The following MAML1 variants were observed in gnomAD, a reference collection of about 807,000 sequenced individuals.
MAML1 encodes the protein mastermind-like protein 1.
A neutral mutation model predicts 77.1 loss-of-function variants in MAML1; 14 were observed. The observed-to-expected ratio is 0.18, with a 90% CI of 0.12 to 0.28. The LOEUF is 0.28. Ranked by LOEUF, MAML1 falls within the 10% of genes least tolerant of loss-of-function variation. The probability of loss-of-function intolerance (pLI) is 1.00; values close to 1 mark genes in which losing one functional copy is unlikely to be tolerated. For missense variants in MAML1, 1,217 were observed against 1,327.8 expected, an observed-to-expected ratio of 0.92 and a Z score of 1.30; for synonymous variants, 516 against 551.9, an observed-to-expected ratio of 0.93 and a Z score of 0.91.
At chr5:179,760,472 T>C (rs1314654204) in intron 1 of MAML1, among the ~76,000 whole-genome samples, 2 of 152,086 alleles carry the variant, frequency 1.3e-5, no homozygotes, top group Non-Finnish European at 2.9e-5. Flanking sequence ...TGAGAAGCTA[T>C]AAGCTGTAAG....
chr5:179,733,270 G>T lies in MAML1; in HGVS notation c.158G>T (p.Arg53Leu). ...AVSPERLELE[R>L]QHTFALHQRC... ...TCGCCCGAGCGCCTGGAGCTGGAGC[G>T]CCAACACACCTTCGCCCTGCACCAG... The change falls in exon 1 of 5, where the codon CGC (arginine) becomes CTC (leucine). Residue 53 changes from arginine (R) to leucine (L), a missense_variant. Transcript: ENST00000292599. 1 of 1,462,254 alleles carries T rather than the reference G, an allele frequency of 6.8e-7. No individual in the cohort carries two copies. The highest frequency in any genetic ancestry group is 9.0e-7 in the Non-Finnish European group (1 of 1,109,084). The allele number at this position is 1,462,254 out of a possible 1,614,324, so 90.6% of individuals were successfully genotyped here. A position where few individuals can be genotyped will look rare whatever the true frequency, so the allele number is the denominator to read the frequency against.
chr5:179,760,471 A>G (rs1322049365), intron 1 of MAML1, among the ~76,000 whole-genome samples: 2 of 152,206 alleles, frequency 1.3e-5, no homozygotes, highest in Non-Finnish European at 2.9e-5. Flanking sequence ...TTGAGAAGCT[A>G]TAAGCTGTAA....
chr5:179,733,313 G>C lies in MAML1; in HGVS notation c.201G>C (p.Lys67Asn). 7.2e-7 allele frequency: 1 copy of C among 1,393,924 alleles called. No individual in the cohort carries two copies. The highest frequency in any genetic ancestry group is 1.5e-5 in the African/African-American group (1 of 66,766). 86.3% of individuals were successfully genotyped at this position (1,393,924 alleles called of 1,614,324 possible). ...TGCACCAGCGCTGCATCCAGGCCAA[G>C]GCCAAGCGCGCCGGGAAGCACAGGC... is the stretch of plus-strand genomic sequence containing the variant. ...FALHQRCIQA[K>N]AKRAGKHRQP... The change falls in exon 1 of 5, where the codon AAG (lysine) becomes AAC (asparagine). Residue 67 changes from lysine to asparagine, a missense_variant. Around this residue, in one of 3 missense-constraint regions of MAML1, gnomAD observed 312 missense variants for 331.4 expected, o/e 0.94. Coordinates refer to ENST00000292599, the MANE Select transcript of MAML1 (RefSeq NM_014757.5).
intron 1 of MAML1, among the ~76,000 whole-genome samples, chr5:179,734,238 A>G (rs1779123130): frequency 6.6e-6 from 1 of 152,176 alleles, no homozygotes; most frequent in Non-Finnish European, 1.5e-5. Flanking sequence ...GTTAAAATCT[A>G]ATTTGTTATG....
chr5:179,753,651 ATTATT>A lies in MAML1; in HGVS notation c.316-11672_316-11668del, dbSNP rs1319500724. Among the ~76,000 whole-genome samples, 7 of 66,370 alleles carry A rather than the reference ATTATT, an allele frequency of 1.1e-4. No homozygotes were observed. In the South Asian group the frequency reaches 1.6e-3, roughly 15 times the overall value. The allele number at this position is 66,370 out of a possible 152,430, so 43.5% of individuals were successfully genotyped here. On this transcript the variant is annotated intron_variant, in intron 1 of 4. Transcript: ENST00000292599. ...CTGTTTGGGTTGTTTTATTATTATT[ATTATT>A]TTTTTTTTTTTTTTTTTTTTTGAGG...
chr5:179,742,700 G>A (rs565904225), intron 1 of MAML1, among the ~76,000 whole-genome samples: 1 of 151,786 alleles, frequency 6.6e-6, no homozygotes, highest in Non-Finnish European at 1.5e-5. Flanking sequence ...CCAGGTACTT[G>A]GGAGGCTGAG....
intron 1 of MAML1, among the ~76,000 whole-genome samples, chr5:179,755,900 G>C (rs920982212): frequency 6.6e-6 from 1 of 151,692 alleles, no homozygotes; most frequent in Non-Finnish European, 1.5e-5. Context: ...GAGTAGCTGA[G>C]ATTACAGGAG....
At chr5:179,744,186 A>C (rs1264224589) in intron 1 of MAML1, among the ~76,000 whole-genome samples, 2 of 152,078 alleles carry the variant, frequency 1.3e-5, no homozygotes, top group Non-Finnish European at 2.9e-5. Flanking sequence ...TAAAAAATTA[A>C]ATTTTTTTTC....
At chr5:179,743,394 T>G (rs537037339) in intron 1 of MAML1, among the ~76,000 whole-genome samples, 3 of 123,294 alleles carry the variant, frequency 2.4e-5, no homozygotes, top group African/African-American at 6.2e-5. Context: ...TTTAAGAGAG[T>G]CTCACTGTGT....
chr5:179,755,930 A>G (rs1045661365), intron 1 of MAML1, among the ~76,000 whole-genome samples: 18 of 151,398 alleles, frequency 1.2e-4, no homozygotes, highest in Admixed American at 6.6e-4. Flanking sequence ...ACGCCCAGCT[A>G]ATTTTTTGTA....
chr5:179,763,262 CTT>C (rs1779754667), intron 1 of MAML1, among the ~76,000 whole-genome samples: 1 of 152,222 alleles, frequency 6.6e-6, no homozygotes, highest in African/African-American at 2.4e-5. Context: ...ACAAGGAAAA[CTT>C]TTCAAATAAT....
chr5:179,732,896 A>C lies in MAML1; in HGVS notation c.-217A>C, dbSNP rs1779090360. 1 of 272,240 alleles carries C rather than the reference A, an allele frequency of 3.7e-6. No individual in the cohort carries two copies. Among genetic ancestry groups the C allele is most frequent in the African/African-American group, 2.2e-5 (1 of 44,500 alleles). 16.9% of individuals were successfully genotyped at this position (272,240 alleles called of 1,614,324 possible). A position where few individuals can be genotyped will look rare whatever the true frequency, so the allele number is the denominator to read the frequency against. ...AAACAATGGGGCCGGGGCGGTGGGG[A>C]GAGGCCGAGGCTTGAGGTAGGCAGC... On this transcript the variant is annotated 5_prime_UTR_variant, in exon 1 of 5. Coordinates refer to ENST00000292599, the MANE Select transcript of MAML1 (RefSeq NM_014757.5).
At chr5:179,735,010 A>G (rs1278052347) in intron 1 of MAML1, among the ~76,000 whole-genome samples, 1 of 152,098 alleles carries the variant, frequency 6.6e-6, no homozygotes, top group Non-Finnish European at 1.5e-5. Context: ...AAAAGAAATG[A>G]GTGTGGACAT....
intron 1 of MAML1, among the ~76,000 whole-genome samples, chr5:179,759,104 C>T (rs1170956753): frequency 1.3e-5 from 2 of 152,156 alleles, no homozygotes; most frequent in Non-Finnish European, 2.9e-5. Flanking sequence ...CTGCGCTTCA[C>T]GAAGGTGCTC....
At position 179,766,783 on chromosome 5, in the gene MAML1, C is replaced by T. The variant is rs760425680; in HGVS notation, c.1731+42C>T. 2.1e-6 allele frequency: 3 copies of T among 1,462,508 alleles called. No individual in the cohort carries two copies. The highest frequency in any genetic ancestry group is 2.8e-5 in the South Asian group (2 of 71,046). The allele number at this position is 1,462,508 out of a possible 1,614,324, so 90.6% of individuals were successfully genotyped here. A position where few individuals can be genotyped will look rare whatever the true frequency, so the allele number is the denominator to read the frequency against. ...GCTTTCTGTTCCTCTGCTGCAGACA[C>T]TTCAGTGAGGTTACTCACTACTTTG... On this transcript the variant is annotated intron_variant, in intron 2 of 4. Transcript: ENST00000292599. This position sits in a 1 kb window ranked among gnomAD's most constrained non-coding sequence, Gnocchi z 4.0.
chr5:179,775,299 A>G lies in MAML1; in HGVS notation c.*422A>G, dbSNP rs759950706. On this transcript the variant is annotated 3_prime_UTR_variant, in exon 5 of 5. Transcript: ENST00000292599. ...TTCTGTTGAAACTTTAGATAGCAGAATTATTTGCAATTTGTAGCATAGAAA... is the reference window on the plus strand; with the variant it reads ...TTCTGTTGAAACTTTAGATAGCAGAGTTATTTGCAATTTGTAGCATAGAAA... 3.0e-6 allele frequency: 3 copies of G among 991,710 alleles called. No homozygotes were observed. In the African/African-American group the frequency reaches 5.2e-5, roughly 17 times the overall value. The allele number at this position is 991,710 out of a possible 1,614,324, so 61.4% of individuals were successfully genotyped here.
chr5:179,753,726 G>A (rs368442855), intron 1 of MAML1, among the ~76,000 whole-genome samples: 73 of 145,352 alleles, frequency 5.0e-4, no homozygotes, highest in African/African-American at 1.3e-3. Flanking sequence ...AATGGTGTGC[G>A]ATACTGGCTC....
Position 179,732,847 on chromosome 5 carries a change from T to A in MAML1, c.-266T>A, listed in dbSNP as rs1581918131. On this transcript the variant is annotated 5_prime_UTR_variant, in exon 1 of 5. An upstream start codon of the reference 5' UTR is lost. Transcript: ENST00000292599. ...GAGAGGCCCGAAAACAATTTTAAGA[T>A]GGCGGCCGCGGCGGTAGCGCGGAAA... 8.8e-6 allele frequency: 2 copies of A among 228,008 alleles called. No individual in the cohort carries two copies. The highest frequency in any genetic ancestry group is 1.7e-5 in the Non-Finnish European group (2 of 118,170). The allele number at this position is 228,008 out of a possible 1,614,324, so 14.1% of individuals were successfully genotyped here. A position where few individuals can be genotyped will look rare whatever the true frequency, so the allele number is the denominator to read the frequency against.
At chr5:179,744,888 C>T (rs1044578775) in intron 1 of MAML1, among the ~76,000 whole-genome samples, 4 of 151,840 alleles carry the variant, frequency 2.6e-5, no homozygotes, top group Admixed American at 6.6e-5. Context: ...TACAAAACAA[C>T]GCATGCATTA....
Sources: allele counts gnomAD v4.1 joint callset (sites outside exome capture counted in the v4.1 genomes callset), GRCh38; gene constraint gnomAD v4.1.1; regional missense constraint gnomAD v4.1.1; non-coding constraint Gnocchi (gnomAD v3.1); transcripts MANE v1.5; gene names NCBI Gene and HGNC (gene_info 2026-07-23, HGNC 2026-07-21).